The following PCDH7 variants were observed in gnomAD, a reference collection of about 807,000 sequenced individuals.
PCDH7 encodes the protein protocadherin-7.
Under a neutral mutation model 58.9 loss-of-function variants are expected in PCDH7, and 17 were observed. That is an observed-to-expected ratio of 0.29 (90% CI 0.20 to 0.43). The LOEUF (loss-of-function observed/expected upper bound fraction) is 0.43, where lower values mean the gene tolerates loss of function less well. Ranked by LOEUF, PCDH7 falls within the 20% of genes least tolerant of loss-of-function variation. The pLI, the probability that PCDH7 is intolerant of heterozygous loss-of-function variation, is 1.00. For missense variants in PCDH7, 1,274 were observed against 1,441.0 expected (o/e 0.88, Z 1.88); for synonymous variants, 664 against 616.4 (o/e 1.08, Z -1.14).
rs538808862 is a variant in PCDH7 at position 30,758,481 on chromosome 4, G to A, written c.70+33885G>A. Among the ~76,000 whole-genome samples, 4 of 152,316 alleles carry A rather than the reference G, an allele frequency of 2.6e-5. No homozygotes were observed. In the East Asian group the frequency reaches 7.7e-4, roughly 29 times the overall value. On this transcript the variant is annotated intron_variant, in intron 1 of 3. Coordinates refer to the PCDH7 transcript ENST00000509759. ...TACAGTTCCAGTATGAGCAGTTACT[G>A]CCCGTAAGTTTGTAACAATAGCTTT...
intron 2 of PCDH7, among the ~76,000 whole-genome samples, chr4:30,941,262 T>C (rs1276914043): frequency 2.0e-5 from 3 of 151,994 alleles, no homozygotes; most frequent in African/African-American, 7.2e-5. Context: ...CCATTCTACA[T>C]GTCTGTGAAT....
At chr4:30,754,405 C>G (rs564699584) in intron 1 of PCDH7, among the ~76,000 whole-genome samples, 5 of 152,050 alleles carry the variant, frequency 3.3e-5, no homozygotes, top group East Asian at 3.9e-4. Context: ...TCCCTTCTAC[C>G]GAAAGCATGA....
chr4:31,083,585 G>T (rs769100738), intron 3 of PCDH7, among the ~76,000 whole-genome samples: 1 of 152,270 alleles, frequency 6.6e-6, no homozygotes, highest in South Asian at 2.1e-4. Context: ...AAATTTTAAA[G>T]GATTACGTTC....
chr4:31,097,390 G>T lies in PCDH7; in HGVS notation c.*8-45083G>T, dbSNP rs186450391. On this transcript the variant is annotated intron_variant, in intron 3 of 3. Coordinates refer to the PCDH7 transcript ENST00000509759. ...AATCTCTTGAACCTGGAAGGTGGAG[G>T]TTGCAGTGAGCTGAGATCACGCCAC... 4.7e-3 allele frequency among the ~76,000 whole-genome samples: 708 copies of T among 151,150 alleles called. 4 individuals are homozygous for T. The highest frequency in any genetic ancestry group is 0.016 in the African/African-American group (665 of 41,110).
At chr4:30,886,991 G>T in intron 1 of PCDH7, among the ~76,000 whole-genome samples, 1 of 104,960 alleles carries the variant, frequency 9.5e-6, no homozygotes, top group Non-Finnish European at 1.9e-5. Flanking sequence ...GGGGTGGGGG[G>T]AGGGGGGAGG....
Position 30,722,133 on chromosome 4 carries a change from C to G in PCDH7, c.711C>G (p.Pro237=). ...CAGAGGGCGGCGGCGGCACCAACCC[C>G]GGCGGCCGCAGCAGCGTGTTCGAGC... Residue 237 remains proline (P), a synonymous_variant, in exon 1 of 2, where the codon CCC becomes CCG. Transcript: ENST00000361762. The surrounding 1 kb of genome is among the most constrained non-coding windows in gnomAD (Gnocchi z 7.6). 1 of 1,444,846 alleles carries G rather than the reference C, an allele frequency of 6.9e-7. No homozygotes were observed. 89.5% of individuals were successfully genotyped at this position (1,444,846 alleles called of 1,614,324 possible). A position where few individuals can be genotyped will look rare whatever the true frequency, so the allele number is the denominator to read the frequency against.
At chr4:31,062,411 A>G (rs75198779) in intron 3 of PCDH7, among the ~76,000 whole-genome samples, 1,588 of 151,926 alleles carry the variant, frequency 0.01, 30 homozygotes, top group African/African-American at 0.036. Flanking sequence ...TGAAAATAAT[A>G]GTTTTCTTGT....
chr4:30,998,142 A>G (rs1174435620), intron 3 of PCDH7, among the ~76,000 whole-genome samples: 1 of 152,138 alleles, frequency 6.6e-6, no homozygotes, highest in African/African-American at 2.4e-5. Context: ...TCTATTGCCC[A>G]TGTGCTCATT....
At chr4:30,957,443 AGG>A (rs1747975589) in intron 3 of PCDH7, among the ~76,000 whole-genome samples, 1 of 152,190 alleles carries the variant, frequency 6.6e-6, no homozygotes, top group African/African-American at 2.4e-5. Flanking sequence ...AAGAAGATGC[AGG>A]AAAATATTTT....
intron 1 of PCDH7, among the ~76,000 whole-genome samples, chr4:30,844,940 A>G (rs1446417470): frequency 6.6e-6 from 1 of 152,190 alleles, no homozygotes; most frequent in East Asian, 1.9e-4. Flanking sequence ...GATTTTGTCC[A>G]TCAAAAGTGC....
At chr4:30,855,773 A>G (rs1194682588) in intron 1 of PCDH7, among the ~76,000 whole-genome samples, 1 of 152,100 alleles carries the variant, frequency 6.6e-6, no homozygotes, top group South Asian at 2.1e-4. Flanking sequence ...GGGGACAGGT[A>G]ATTTATTATA....
chr4:30,833,781 A>G (rs148690100), intron 1 of PCDH7, among the ~76,000 whole-genome samples: 37 of 152,368 alleles, frequency 2.4e-4, no homozygotes, highest in Middle Eastern at 3.4e-3. Flanking sequence ...CTGCGTTGTT[A>G]CATGCACTAT....
chr4:30,941,641 T>A (rs1746049672), intron 2 of PCDH7, among the ~76,000 whole-genome samples: 1 of 151,974 alleles, frequency 6.6e-6, no homozygotes, highest in Non-Finnish European at 1.5e-5. Context: ...AATAAGGGTA[T>A]TTTATTTTAT....
chr4:31,073,924 T>A (rs1758762986), intron 3 of PCDH7, among the ~76,000 whole-genome samples: 1 of 152,064 alleles, frequency 6.6e-6, no homozygotes, highest in African/African-American at 2.4e-5. Context: ...TAACTTTGTC[T>A]CCTATTATTC....
At chr4:30,797,054 G>A (rs777712272) in intron 1 of PCDH7, among the ~76,000 whole-genome samples, 2 of 151,710 alleles carry the variant, frequency 1.3e-5, no homozygotes, top group African/African-American at 2.4e-5. Flanking sequence ...TCCGCCTCTC[G>A]GACTCAAGCA....
intron 3 of PCDH7, among the ~76,000 whole-genome samples, chr4:31,046,216 C>A (rs896532622): frequency 1.3e-5 from 2 of 151,996 alleles, no homozygotes; most frequent in African/African-American, 4.8e-5. Context: ...AACACCCCCA[C>A]TTAACCATAA....
At chr4:31,098,427 C>G (rs946270008) in intron 3 of PCDH7, among the ~76,000 whole-genome samples, 3 of 151,936 alleles carry the variant, frequency 2.0e-5, no homozygotes, top group African/African-American at 7.3e-5. Flanking sequence ...TCCTAGTCAC[C>G]CTGCCATGTA....
chr4:31,051,614 C>T (rs1756735892), intron 3 of PCDH7, among the ~76,000 whole-genome samples: 1 of 151,882 alleles, frequency 6.6e-6, no homozygotes, highest in Admixed American at 6.6e-5. Flanking sequence ...TAAATAATGC[C>T]CTTTGTTTTA....
intron 1 of PCDH7, among the ~76,000 whole-genome samples, chr4:30,751,395 C>T (rs1168966554): frequency 6.6e-6 from 1 of 152,100 alleles, no homozygotes; most frequent in Non-Finnish European, 1.5e-5. Context: ...GATCAAAGAT[C>T]TCAGAAATAT....
Sources: gnomAD v4.1 joint callset for allele counts (sites outside exome capture counted in the v4.1 genomes callset) on GRCh38, gnomAD v4.1.1 for gene constraint, Gnocchi (gnomAD v3.1) non-coding constraint, MANE v1.5 for transcripts, NCBI Gene and HGNC (gene_info 2026-07-23, HGNC 2026-07-21) for gene names.